Variants in SCFD1 observed in about 807,000 individuals in gnomAD.
The protein encoded by SCFD1 is sec1 family domain containing 1, also known as sec1 family domain-containing protein 1.
A neutral mutation model predicts 103.2 loss-of-function variants in SCFD1; 37 were observed. The observed-to-expected ratio is 0.36, with a 90% confidence interval of 0.28 to 0.47. The LOEUF (loss-of-function observed/expected upper bound fraction) is 0.47. Among genes scored for constraint, SCFD1 ranks in the 20% least tolerant of loss-of-function variants. SCFD1 has a pLI of 1.00. For missense variants in SCFD1, 639 were observed against 761.2 expected (o/e 0.84, Z 1.89); for synonymous variants, 264 against 245.0 (o/e 1.08, Z -0.73).
intron 10 of SCFD1, among the ~76,000 whole-genome samples, chr14:30,654,406 G>A (rs904831501): frequency 2.0e-5 from 3 of 152,342 alleles, no homozygotes; most frequent in African/African-American, 7.2e-5. Context: ...GAGTGTAGTG[G>A]CTCATGCCTA....
At chr14:30,722,674 T>A in intron 23 of SCFD1, 115 bp downstream of exon 23, 1 of 527,576 alleles carries the variant, frequency 1.9e-6, no homozygotes, top group Non-Finnish European at 3.2e-6. Context: ...AAGGTAGTTT[T>A]AAAATCATGC....
intron 2 of SCFD1, among the ~76,000 whole-genome samples, chr14:30,628,498 T>C (rs1002502797): frequency 1.3e-5 from 2 of 152,244 alleles, no homozygotes; most frequent in Non-Finnish European, 2.9e-5. Context: ...GGGAGTCCAG[T>C]TGATCTCTTT....
At chr14:30,695,915 A>C (rs1234903306) in intron 15 of SCFD1, among the ~76,000 whole-genome samples, 3 of 152,146 alleles carry the variant, frequency 2.0e-5, no homozygotes, top group Non-Finnish European at 2.9e-5. Context: ...AATAGTAAAA[A>C]AAAAATTTAA....
intron 10 of SCFD1, chr14:30,658,063 T>G (rs1172280610): frequency 2.2e-6 from 1 of 454,298 alleles, no homozygotes; most frequent in Non-Finnish European, 4.4e-6. Flanking sequence ...TGATTCTTTT[T>G]TATTATATCT....
At position 30,674,973 on chromosome 14, in the gene SCFD1, G is replaced by C; in HGVS notation, c.1161-11G>C. On this transcript the variant is annotated splice_polypyrimidine_tract_variant and intron_variant, in intron 13 of 24. Coordinates refer to ENST00000458591, the MANE Select transcript of SCFD1 (RefSeq NM_016106.4). The stretch of plus-strand genomic sequence containing the variant: ...TTTATTGGTTAATATTTAATTTTTT[G>C]ATACTTGCAGTTCTTTGCCAGAACT... 1 of 1,522,770 alleles carries C rather than the reference G, an allele frequency of 6.6e-7. No individual in the cohort carries two copies. The highest frequency in any genetic ancestry group is 2.1e-5 in the Admixed American group (1 of 48,010). 94.3% of individuals were successfully genotyped at this position (1,522,770 alleles called of 1,614,324 possible).
chr14:30,692,201 C>T (rs895119525), intron 14 of SCFD1, among the ~76,000 whole-genome samples: 3 of 152,056 alleles, frequency 2.0e-5, no homozygotes, highest in African/African-American at 7.2e-5. Flanking sequence ...TCTGTATACA[C>T]CCCGTTCTTA....
chr14:30,703,910 CATATATATATATATATATATATAT>C lies in SCFD1; in HGVS notation c.1490+1565_1490+1588del, dbSNP rs71443380. Among the ~76,000 whole-genome samples, 134 of 39,550 alleles carry C rather than the reference CATATATATATATATATATATATAT, an allele frequency of 3.4e-3. 9 individuals are homozygous for C. The highest frequency in any genetic ancestry group is 0.022 in the Admixed American group (74 of 3,376). The allele number at this position is 39,550 out of a possible 152,430, so 25.9% of individuals were successfully genotyped here. A position where few individuals can be genotyped will look rare whatever the true frequency, so the allele number is the denominator to read the frequency against. ...ATTTTTTCAGATTTGGGAATATTTG[CATATATATATATATATATATATAT>C]ATATATATATATATATATATATATA... is the stretch of plus-strand genomic sequence containing the variant. On this transcript the variant is annotated intron_variant, in intron 17 of 24. Transcript: ENST00000458591.
chr14:30,732,242 C>T (rs1421204978), intron 23 of SCFD1, among the ~76,000 whole-genome samples: 1 of 152,074 alleles, frequency 6.6e-6, no homozygotes, highest in African/African-American at 2.4e-5. Context: ...TATACAAGAT[C>T]ATGTTATCTA....
At chr14:30,696,397 AC>A (rs755575029) in intron 15 of SCFD1, among the ~76,000 whole-genome samples, 28 of 152,356 alleles carry the variant, frequency 1.8e-4, no homozygotes, top group Non-Finnish European at 2.6e-4. Context: ...TAAAGTTGAA[AC>A]AAAAAAAACA....
chr14:30,644,878 T>C (rs1361384678), intron 7 of SCFD1, among the ~76,000 whole-genome samples: 1 of 152,166 alleles, frequency 6.6e-6, no homozygotes, highest in Non-Finnish European at 1.5e-5. Context: ...CTGGTGGTTG[T>C]TTTTGGAGAC....
chr14:30,673,816 C>G (rs183627761), intron 12 of SCFD1, 108 bp from the exon 13 acceptor site: 1 of 748,444 alleles, frequency 1.3e-6, no homozygotes, highest in Admixed American at 2.1e-5. Flanking sequence ...AAAAATCTTA[C>G]GGTATATCAA....
At chr14:30,725,640 A>T (rs1892991805) in intron 23 of SCFD1, among the ~76,000 whole-genome samples, 1 of 152,180 alleles carries the variant, frequency 6.6e-6, no homozygotes, top group South Asian at 2.1e-4. Context: ...ATACAGAGAC[A>T]GTTTGACTTC....
intron 9 of SCFD1, among the ~76,000 whole-genome samples, chr14:30,652,902 G>T (rs1414707567): frequency 1.3e-5 from 2 of 152,036 alleles, no homozygotes; most frequent in Admixed American, 6.6e-5. Context: ...TCAGCTAATT[G>T]GGAGACTGAG....
intron 23 of SCFD1, among the ~76,000 whole-genome samples, chr14:30,724,147 C>G (rs1191594467): frequency 2.9e-5 from 4 of 139,850 alleles, no homozygotes; most frequent in Non-Finnish European, 4.5e-5. Context: ...TTGCATTTCT[C>G]TAATGATCAG....
intron 14 of SCFD1, chr14:30,675,992 G>A (rs1054881050): frequency 6.6e-6 from 1 of 152,094 alleles, no homozygotes; most frequent in Admixed American, 6.5e-5. Flanking sequence ...GTTCATACAG[G>A]AATAGAAACA....
intron 1 of SCFD1, 39 bp from the exon 2 acceptor site, chr14:30,628,170 A>C: frequency 6.8e-7 from 1 of 1,480,840 alleles, no homozygotes. Flanking sequence ...AAAATCCTAA[A>C]AAACAATGAC....
At chr14:30,624,155 C>G (rs557620162) in intron 1 of SCFD1, among the ~76,000 whole-genome samples, 5 of 152,262 alleles carry the variant, frequency 3.3e-5, no homozygotes, top group African/African-American at 1.2e-4. Flanking sequence ...ATCCCACAAG[C>G]CATCTCCTTT....
At chr14:30,693,481 T>C (rs1393837075) in intron 14 of SCFD1, among the ~76,000 whole-genome samples, 1 of 152,194 alleles carries the variant, frequency 6.6e-6, no homozygotes, top group Non-Finnish European at 1.5e-5. Flanking sequence ...AGCAGTGAAA[T>C]GACTCTGATT....
chr14:30,723,990 C>T (rs963769366), intron 23 of SCFD1, among the ~76,000 whole-genome samples: 4 of 131,296 alleles, frequency 3.0e-5, no homozygotes, highest in African/African-American at 1.3e-4. Flanking sequence ...TCCACAATGG[C>T]TGAACTAATT....
Sources: allele counts gnomAD v4.1 joint callset (sites outside exome capture counted in the v4.1 genomes callset), GRCh38; gene constraint gnomAD v4.1.1; transcripts MANE v1.5; gene names NCBI Gene and HGNC (gene_info 2026-07-23, HGNC 2026-07-21).